The following PCDH12 variants were observed in gnomAD, a reference collection of about 807,000 sequenced individuals.
PCDH12 encodes the protein protocadherin-12.
PCDH12 carries 45 observed loss-of-function variants against 70.9 expected under a neutral mutation model. The observed-to-expected ratio is 0.63, with a 90% confidence interval of 0.50 to 0.81. The LOEUF is 0.81. Among genes scored for constraint, PCDH12 ranks in the 40% least tolerant of loss-of-function variants. The pLI, the probability that PCDH12 is intolerant of heterozygous loss-of-function variation, is 0.00. For missense variants in PCDH12, 1,370 were observed against 1,491.7 expected, an observed-to-expected ratio of 0.92 and a Z score of 1.34; for synonymous variants, 567 against 626.0, an observed-to-expected ratio of 0.91 and a Z score of 1.41.
Position 141,957,385 on chromosome 5 carries a change from A to T in PCDH12, c.467T>A (p.Leu156Gln), listed in dbSNP as rs1484684676. The change falls in exon 1 of 4, where the codon CTG (leucine) becomes CAG (glutamine). Residue 156 changes from leucine to glutamine, a missense_variant. Coordinates refer to ENST00000231484, the MANE Select transcript of PCDH12 (RefSeq NM_016580.4). The surrounding 1 kb of genome is among the most constrained non-coding windows in gnomAD (Gnocchi z 4.3). ...TGTGTCTGGGTCAAGAGCTCTGTCCAGGGGGATCCGGGTTCGCAGAGAGGC... is the reference window on the plus strand; with the variant it reads ...TGTGTCTGGGTCAAGAGCTCTGTCCTGGGGGATCCGGGTTCGCAGAGAGGC... ...ESASLRTRIP[L>Q]DRALDPDTGP... 1 of 1,613,848 alleles carries T rather than the reference A, an allele frequency of 6.2e-7. No individual in the cohort carries two copies. Among genetic ancestry groups the T allele is most frequent in the South Asian group, 1.1e-5 (1 of 90,986 alleles).
Position 141,957,592 on chromosome 5 carries a change from C to T in PCDH12, c.260G>A (p.Ser87Asn). The change falls in exon 1 of 4, where the codon AGC (serine) becomes AAC (asparagine). Residue 87 changes from serine to asparagine, a missense_variant. Transcript: ENST00000231484. This position sits in a 1 kb window ranked among gnomAD's most constrained non-coding sequence, Gnocchi z 4.3. ...CTCTCGATCCAGCCGCCTGCCTGTG[C>T]TGAGCAAGCCTTCCTCAGAGTCCAC... ...IQVDSEEGLL[S>N]TGRRLDREQL... The T allele has an allele frequency of 1.9e-6, 3 of 1,614,234 alleles. No homozygotes were observed. Among genetic ancestry groups the T allele is most frequent in the Middle Eastern group, 1.6e-4 (1 of 6,062 alleles).
intron 1 of PCDH12, among the ~76,000 whole-genome samples, chr5:141,954,009 G>GA (rs1051936778): frequency 6.6e-6 from 1 of 152,206 alleles, no homozygotes; most frequent in African/African-American, 2.4e-5. Context: ...CTTGTGTCTA[G>GA]AAAATCCCAG....
chr5:141,955,616 C>G lies in PCDH12; in HGVS notation c.2236G>C (p.Asp746His). The G allele has an allele frequency of 6.2e-7, 1 of 1,614,142 alleles. No homozygotes were observed. Among genetic ancestry groups the G allele is most frequent in the Admixed American group, 1.7e-5 (1 of 60,024 alleles). The change falls in exon 1 of 4, where the codon GAC (aspartate) becomes CAC (histidine). Residue 746 changes from aspartate (D) to histidine (H), a missense_variant. By Grantham distance (81) the Asp-to-His change is moderately conservative. Transcript: ENST00000231484. The surrounding 1 kb of genome is among the most constrained non-coding windows in gnomAD (Gnocchi z 5.5). ...TCCCGACAGTTGTAGGCCCTGTTGTCCTTCTTTTCTGTCCGGCAGATGGAC... is the reference window on the plus strand; with the variant it reads ...TCCCGACAGTTGTAGGCCCTGTTGTGCTTCTTTTCTGTCCGGCAGATGGAC... ...FMSICRTEKK[D>H]NRAYNCREAE...
Position 141,949,588 on chromosome 5 carries a change from A to C in PCDH12, c.2979-5T>G. ...TCTGTGTCTGGGATTGCACTCCTGC[A>C]AAAGAAACCAACCAGTCCATGGGTA... is the stretch of plus-strand genomic sequence containing the variant. On this transcript the variant is annotated splice_region_variant and splice_polypyrimidine_tract_variant and intron_variant, in intron 2 of 3. Coordinates refer to ENST00000231484, the MANE Select transcript of PCDH12 (RefSeq NM_016580.4). 1.2e-6 allele frequency: 2 copies of C among 1,612,778 alleles called. No individual in the cohort carries two copies. The highest frequency in any genetic ancestry group is 1.7e-4 in the Middle Eastern group (1 of 6,048).
rs186301820 is a variant in PCDH12 at position 141,947,557 on chromosome 5, G to T, written c.3131-1752C>A. Among the ~76,000 whole-genome samples the T allele has an allele frequency of 8.2e-4, 125 of 152,332 alleles. 2 individuals carry two copies. Among genetic ancestry groups the T allele is most frequent in the Middle Eastern group, 3.4e-3 (1 of 294 alleles). On this transcript the variant is annotated intron_variant, in intron 3 of 3. Transcript: ENST00000231484. ...CTGGGTTTGATTTCCCAGCTTTGCAGCTTAGGGGCAGTGTGTGTGACCTTG... is the reference window on the plus strand; with the variant it reads ...CTGGGTTTGATTTCCCAGCTTTGCATCTTAGGGGCAGTGTGTGTGACCTTG...
At chr5:141,945,850 G>A in intron 3 of PCDH12, 45 bp from the exon 4 acceptor site, 1 of 1,569,438 alleles carries the variant, frequency 6.4e-7, no homozygotes, top group Non-Finnish European at 8.7e-7. Flanking sequence ...GCTCCGGGAA[G>A]GGCCAGGCGG....
Position 141,957,661 on chromosome 5 carries a change from G to A in PCDH12, c.191C>T (p.Ala64Val). ...AGGCAGCTGCAACACCTGGAAGGCAGCCCCAGCTTGCCTCCGCCTCTCCTC... is the reference window on the plus strand; with the variant it reads ...AGGCAGCTGCAACACCTGGAAGGCAACCCCAGCTTGCCTCCGCCTCTCCTC... ...GREERRRQAG[A>V]AFQVLQLPQA... The change falls in exon 1 of 4, where the codon GCT becomes GTT. Residue 64 changes from alanine (A) to valine (V), a missense_variant. By Grantham distance (64) the Ala-to-Val change is moderately conservative (BLOSUM62 0). Coordinates refer to ENST00000231484, the MANE Select transcript of PCDH12 (RefSeq NM_016580.4). This position sits in a 1 kb window ranked among gnomAD's most constrained non-coding sequence, Gnocchi z 4.3. 1 of 1,614,166 alleles carries A rather than the reference G, an allele frequency of 6.2e-7. No individual in the cohort carries two copies. The highest frequency in any genetic ancestry group is 1.3e-5 in the African/African-American group (1 of 75,052).
At chr5:141,946,055 G>C (rs760547777) in intron 3 of PCDH12, among the ~76,000 whole-genome samples, 115 of 152,202 alleles carry the variant, frequency 7.6e-4, no homozygotes, top group Non-Finnish European at 1.4e-3. Context: ...AGAAGGCCTA[G>C]AAGTAGAAAT....
rs1753216175 is a variant in PCDH12, at chr5:141,957,962, A to G, written c.-111T>C. 8.0e-7 allele frequency: 1 copy of G among 1,257,768 alleles called. No individual in the cohort carries two copies. Among genetic ancestry groups the G allele is most frequent in the Non-Finnish European group, 1.1e-6 (1 of 916,376 alleles). 77.9% of individuals were successfully genotyped at this position (1,257,768 alleles called of 1,614,324 possible). A position where few individuals can be genotyped will look rare whatever the true frequency, so the allele number is the denominator to read the frequency against. On this transcript the variant is annotated 5_prime_UTR_variant, in exon 1 of 4. Transcript: ENST00000231484. This position sits in a 1 kb window ranked among gnomAD's most constrained non-coding sequence, Gnocchi z 4.3. ...ATCAGCCCCGTGCTCCTTCCCCCAG[A>G]GCTGCCGGCACAACCTTGTCCCATA...
At chr5:141,954,197 C>T (rs1207882303) in intron 1 of PCDH12, among the ~76,000 whole-genome samples, 2 of 152,182 alleles carry the variant, frequency 1.3e-5, no homozygotes, top group Non-Finnish European at 2.9e-5. Flanking sequence ...AATCTGAACT[C>T]CAATCTGCCT....
chr5:141,945,389 A>C lies in PCDH12; in HGVS notation c.3547T>G (p.Cys1183Gly), dbSNP rs200120809. Residue 1183 changes from cysteine to glycine, a missense_variant, in exon 4 of 4, where the codon TGC (cysteine) becomes GGC (glycine). Coordinates refer to ENST00000231484, the MANE Select transcript of PCDH12 (RefSeq NM_016580.4). ...AGGCGTCTGAGGTATGTTCACAGGC[A>C]CCTGCTGCTGCTGCTGCTGCCTCTG... ...KSRGSSSSSR[C>G]L The C allele has an allele frequency of 2.3e-6, 2 of 866,426 alleles. No individual in the cohort carries two copies. The allele number at this position is 866,426 out of a possible 1,614,324, so 53.7% of individuals were successfully genotyped here. A position where few individuals can be genotyped will look rare whatever the true frequency, so the allele number is the denominator to read the frequency against.
chr5:141,956,318 A>G lies in PCDH12; in HGVS notation c.1534T>C (p.Ser512Pro). 6.2e-7 allele frequency: 1 copy of G among 1,614,162 alleles called. No individual in the cohort carries two copies. The highest frequency in any genetic ancestry group is 8.5e-7 in the Non-Finnish European group (1 of 1,180,032). The change falls in exon 1 of 4, where the codon TCC (serine) becomes CCC (proline). Residue 512 changes from serine to proline, a missense_variant. Coordinates refer to ENST00000231484, the MANE Select transcript of PCDH12 (RefSeq NM_016580.4). Reference sequence around the variant, plus strand: ...TGAGCAGTGACCTCTCCTGTGTTGGAGTCAATAGCTACTAAGTGAGCAACT... The same window carrying G: ...TGAGCAGTGACCTCTCCTGTGTTGGGGTCAATAGCTACTAAGTGAGCAACT... ...SPVAHLVAIDSNTGEVTAQRS... is the reference protein window; with the variant it reads ...SPVAHLVAIDPNTGEVTAQRS...
intron 3 of PCDH12, 79 bp from the exon 4 acceptor site, chr5:141,945,884 G>C: frequency 7.5e-7 from 1 of 1,329,204 alleles, no homozygotes; most frequent in Non-Finnish European, 1.1e-6. Flanking sequence ...AATGAGCAGG[G>C]CAAGGGCAGT....
chr5:141,948,686 G>A (rs1467203332), intron 3 of PCDH12, among the ~76,000 whole-genome samples: 1 of 152,198 alleles, frequency 6.6e-6, no homozygotes, highest in African/African-American at 2.4e-5. Context: ...AGGACAGGCT[G>A]GCTCAGGGTT....
intron 2 of PCDH12, among the ~76,000 whole-genome samples, chr5:141,950,067 G>A (rs1014148767): frequency 6.6e-5 from 10 of 152,182 alleles, no homozygotes; most frequent in African/African-American, 9.7e-5. Context: ...AGAACAGGGC[G>A]TGGCACACAG....
At position 141,945,188 on chromosome 5, in the gene PCDH12, C is replaced by T; in HGVS notation, c.*193G>A. On this transcript the variant is annotated 3_prime_UTR_variant, in exon 4 of 4. Transcript: ENST00000231484. ...TCCCTGTCCTCCAAAAGACTCAGAG[C>T]TGCTTACAAGGGGCTGCTTTGGTCA... 1 of 686,248 alleles carries T rather than the reference C, an allele frequency of 1.5e-6. No homozygotes were observed. Among genetic ancestry groups the T allele is most frequent in the Non-Finnish European group, 2.5e-6 (1 of 397,544 alleles). The allele number at this position is 686,248 out of a possible 1,614,324, so 42.5% of individuals were successfully genotyped here.
chr5:141,949,409 A>G, intron 3 of PCDH12, 23 bp downstream of exon 3: 2 of 1,602,012 alleles, frequency 1.2e-6, no homozygotes, highest in Non-Finnish European at 8.5e-7. Flanking sequence ...AGCAGGGTCA[A>G]GGTAACTCCA....
At chr5:141,949,339 A>G (rs1414323906) in intron 3 of PCDH12, 93 bp downstream of exon 3, 47 of 1,492,772 alleles carry the variant, frequency 3.1e-5, no homozygotes, top group Non-Finnish European at 4.2e-5. Flanking sequence ...CAGAAACAGA[A>G]TGGCTTTTCC....
In PCDH12 at chr5:141,956,426, A is replaced by T; in HGVS notation, c.1426T>A (p.Ser476Thr). ...GCCTTGATGGTAATGAGGTGAAGAGAGGGTAAGTTGTTTTCCCGCGTGGAG... is the reference window on the plus strand; with the variant it reads ...GCCTTGATGGTAATGAGGTGAAGAGTGGGTAAGTTGTTTTCCCGCGTGGAG... ...EVSTRENNLP[S>T]LHLITIKAHD... The change falls in exon 1 of 4, where the codon TCT becomes ACT. Residue 476 changes from serine to threonine, a missense_variant. Ser to Thr is a moderately conservative substitution (Grantham distance 58). Transcript: ENST00000231484. The T allele has an allele frequency of 6.2e-7, 1 of 1,614,110 alleles. No homozygotes were observed. The highest frequency in any genetic ancestry group is 8.5e-7 in the Non-Finnish European group (1 of 1,180,020).
Sources: allele counts gnomAD v4.1 joint callset (sites outside exome capture counted in the v4.1 genomes callset), GRCh38; gene constraint gnomAD v4.1.1; non-coding constraint Gnocchi (gnomAD v3.1); transcripts MANE v1.5; gene names NCBI Gene and HGNC (gene_info 2026-07-23, HGNC 2026-07-21).